The following KLHL1 variants were observed in gnomAD, a reference collection of about 807,000 sequenced individuals.
KLHL1 encodes the protein kelch like family member 1.
Under a neutral mutation model 77.7 loss-of-function variants are expected in KLHL1, and 47 were observed. The ratio of observed to expected loss-of-function variants is 0.60; its 90% CI spans 0.48 to 0.77. The LOEUF (loss-of-function observed/expected upper bound fraction) is 0.77. Among genes scored for constraint, KLHL1 ranks in the 30% least tolerant of loss-of-function variants. The probability of loss-of-function intolerance (pLI) is 0.00; values close to 1 mark genes in which losing one functional copy is unlikely to be tolerated. For synonymous variants in KLHL1, 360 were observed against 325.2 expected, an observed-to-expected ratio of 1.11 and a Z score of -1.15; for missense variants, 925 against 910.8, an observed-to-expected ratio of 1.02 and a Z score of -0.20.
chr13:69,820,524 A>C (rs892456901), intron 6 of KLHL1, among the ~76,000 whole-genome samples: 1 of 152,202 alleles, frequency 6.6e-6, no homozygotes, highest in Non-Finnish European at 1.5e-5. Flanking sequence ...AGGATAATTG[A>C]AAAAGGGAAT....
chr13:69,833,764 TATAC>T (rs1372941633), intron 6 of KLHL1, among the ~76,000 whole-genome samples: 3 of 148,182 alleles, frequency 2.0e-5, no homozygotes, highest in African/African-American at 7.4e-5. Flanking sequence ...TATATATATA[TATAC>T]ATACATACAT....
At chr13:69,787,358 T>C (rs1374024792) in intron 7 of KLHL1, among the ~76,000 whole-genome samples, 1 of 152,144 alleles carries the variant, frequency 6.6e-6, no homozygotes, top group Non-Finnish European at 1.5e-5. Flanking sequence ...TAATGCCGCA[T>C]GTCTACAACC....
chr13:69,991,573 G>A (rs187756803), intron 1 of KLHL1, among the ~76,000 whole-genome samples: 12 of 151,556 alleles, frequency 7.9e-5, no homozygotes, highest in African/African-American at 2.9e-4. Flanking sequence ...AACTAGAAAA[G>A]GTAGAAAAAA....
chr13:70,095,581 G>C (rs1355605241), intron 1 of KLHL1, among the ~76,000 whole-genome samples: 1 of 151,926 alleles, frequency 6.6e-6, no homozygotes, highest in Admixed American at 6.6e-5. Context: ...ATATTTATGA[G>C]GTACATATGA....
chr13:69,816,321 C>A (rs558957189), intron 6 of KLHL1, among the ~76,000 whole-genome samples: 46 of 150,174 alleles, frequency 3.1e-4, no homozygotes, highest in African/African-American at 1.0e-3. Flanking sequence ...AGTGCAGTAG[C>A]ACAATCTCGG....
chr13:69,717,604 T>C (rs745460210), intron 9 of KLHL1, among the ~76,000 whole-genome samples: 1 of 152,060 alleles, frequency 6.6e-6, no homozygotes, highest in Non-Finnish European at 1.5e-5. Flanking sequence ...TAAAGTCGAG[T>C]TGGATGAGAA....
At chr13:69,706,297 C>T (rs1566350559) in intron 10 of KLHL1, among the ~76,000 whole-genome samples, 1 of 151,656 alleles carries the variant, frequency 6.6e-6, no homozygotes, top group Non-Finnish European at 1.5e-5. Flanking sequence ...CTAAATGTAC[C>T]TATTTTTGGT....
chr13:69,931,512 T>G (rs2138282286), intron 4 of KLHL1, among the ~76,000 whole-genome samples: 1 of 151,920 alleles, frequency 6.6e-6, no homozygotes, highest in African/African-American at 2.4e-5. Context: ...AGTTTTGTCC[T>G]TTTCTACTTA....
At chr13:69,823,813 A>ATT (rs1382935811) in intron 6 of KLHL1, among the ~76,000 whole-genome samples, 9 of 151,694 alleles carry the variant, frequency 5.9e-5, no homozygotes, top group African/African-American at 2.2e-4. Context: ...AATCATTGAA[A>ATT]TTTTTTCTCT....
intron 7 of KLHL1, among the ~76,000 whole-genome samples, chr13:69,744,095 G>T (rs1039842867): frequency 4.6e-5 from 7 of 152,066 alleles, no homozygotes; most frequent in Admixed American, 2.0e-4. Context: ...TTTTAAAGTC[G>T]TAGTCCTAGA....
chr13:69,707,846 TTTACTA>T, intron 9 of KLHL1, 50 bp from the exon 10 acceptor site: 1 of 1,434,038 alleles, frequency 7.0e-7, no homozygotes, highest in Non-Finnish European at 9.3e-7. Context: ...ACATTCAACT[TTTACTA>T]TAAAAATTTT....
intron 1 of KLHL1, among the ~76,000 whole-genome samples, chr13:70,041,814 T>C (rs1206442966): frequency 6.6e-6 from 1 of 152,084 alleles, no homozygotes; most frequent in Non-Finnish European, 1.5e-5. Context: ...GGGACCTTGT[T>C]ATTGCCACAC....
intron 4 of KLHL1, among the ~76,000 whole-genome samples, chr13:69,932,065 C>T (rs533521830): frequency 8.6e-5 from 13 of 151,504 alleles, no homozygotes; most frequent in Middle Eastern, 3.4e-3. Flanking sequence ...TATTAATATG[C>T]GAAAGTACTT....
intron 6 of KLHL1, among the ~76,000 whole-genome samples, chr13:69,821,622 T>C (rs1321275290): frequency 6.6e-6 from 1 of 152,154 alleles, no homozygotes; most frequent in African/African-American, 2.4e-5. Context: ...GCCTTGGTGA[T>C]AATAATTTAA....
chr13:70,057,603 C>A (rs1258577309), intron 1 of KLHL1, among the ~76,000 whole-genome samples: 11 of 149,568 alleles, frequency 7.4e-5, no homozygotes, highest in Non-Finnish European at 1.3e-4. Context: ...GGTGAAACCC[C>A]ATCTCTACTA....
At chr13:70,084,019 G>T (rs1887458233) in intron 1 of KLHL1, among the ~76,000 whole-genome samples, 1 of 152,038 alleles carries the variant, frequency 6.6e-6, no homozygotes, top group East Asian at 1.9e-4. Flanking sequence ...AAATGATAGA[G>T]GAAGTGGATA....
At chr13:69,716,997 A>C (rs181270393) in intron 9 of KLHL1, among the ~76,000 whole-genome samples, 1 of 152,224 alleles carries the variant, frequency 6.6e-6, no homozygotes, top group East Asian at 1.9e-4. Context: ...TCCATAAACT[A>C]TTCTAAAGTC....
At chr13:69,956,020 ATATATT>A (rs1291160653) in intron 3 of KLHL1, among the ~76,000 whole-genome samples, 1 of 100,284 alleles carries the variant, frequency 1.0e-5, no homozygotes, top group South Asian at 2.7e-4. Flanking sequence ...TATATTTGAT[ATATATT>A]TATATATATT....
intron 7 of KLHL1, among the ~76,000 whole-genome samples, chr13:69,774,235 CAAAT>C (rs1243873307): frequency 6.6e-6 from 1 of 151,554 alleles, no homozygotes; most frequent in African/African-American, 2.4e-5. Context: ...CTCACAGATA[CAAAT>C]AGAGTTCAAG....
Sources: allele counts gnomAD v4.1 joint callset (sites outside exome capture counted in the v4.1 genomes callset), GRCh38; gene constraint gnomAD v4.1.1; transcripts MANE v1.5; gene names NCBI Gene and HGNC (gene_info 2026-07-23, HGNC 2026-07-21).